Variants in MSH6 observed in about 807,000 individuals in gnomAD.
The protein encoded by MSH6 is DNA mismatch repair protein Msh6.
A neutral mutation model predicts 119.1 loss-of-function variants in MSH6; 85 were observed. That is an observed-to-expected ratio of 0.71 (90% CI 0.60 to 0.85). The LOEUF (loss-of-function observed/expected upper bound fraction) is 0.85, where lower values mean the gene tolerates loss of function less well. Ranked by LOEUF, MSH6 falls within the 40% of genes least tolerant of loss-of-function variation. MSH6 has a pLI of 0.00. For missense variants in MSH6, 2,163 were observed against 1,655.3 expected, an observed-to-expected ratio of 1.31 and a Z score of -5.32; for synonymous variants, 830 against 586.9, an observed-to-expected ratio of 1.41 and a Z score of -5.99.
At chr2:47,793,850 C>T (rs1321145151) in intron 2 of MSH6, among the ~76,000 whole-genome samples, 4 of 151,542 alleles carry the variant, frequency 2.6e-5, no homozygotes, top group Non-Finnish European at 5.9e-5. Flanking sequence ...CCTGCCTCTG[C>T]CTCCCAAGTA....
At position 47,783,282 on chromosome 2, in the gene MSH6, C is replaced by G. The variant is rs2103933185; in HGVS notation, c.49C>G (p.Leu17Val). 1 of 1,612,218 alleles carries G rather than the reference C, an allele frequency of 6.2e-7. No homozygotes were observed. Among genetic ancestry groups the G allele is most frequent in the Non-Finnish European group, 8.5e-7 (1 of 1,179,600 alleles). Residue 17 changes from leucine (L) to valine (V), a missense_variant, in exon 1 of 10, where the codon CTG (leucine) becomes GTG (valine). Leu to Val is a conservative substitution (Grantham distance 32, BLOSUM62 1). Transcript: ENST00000234420. ...LYSFFPKSPA[L>V]SDANKASARA... is the part of the protein sequence containing the mutation. ...CAGCTTCTTCCCCAAGTCTCCGGCG[C>G]TGAGTGATGCCAACAAGGCCTCGGC...
chr2:47,809,902 C>T, downstream of MSH6: 1 of 540,864 alleles, frequency 1.8e-6, no homozygotes, highest in Non-Finnish European at 3.3e-6. Flanking sequence ...GTCAAAACTG[C>T]AATTAACTTT....
chr2:47,786,514 T>C (rs1442051741), intron 1 of MSH6, among the ~76,000 whole-genome samples: 1 of 14,370 alleles, frequency 7.0e-5, no homozygotes, highest in Non-Finnish European at 1.2e-4. Context: ...TTTGTGTTTA[T>C]AGTAGAGACG....
rs1553411396 is a variant in MSH6, at chr2:47,795,911, G to A, written c.475G>A (p.Ala159Thr). ...KPYTGSKSKE[A>T]QKGGHFYSAK... ...CTTTCTAGGTTCAAAATCAAAGGAA[G>A]CCCAGAAGGGAGGTCATTTTTACAG... Residue 159 changes from alanine to threonine, a missense_variant, in exon 3 of 10, where the codon GCC (alanine) becomes ACC (threonine). Transcript: ENST00000234420. 5 of 1,614,074 alleles carry A rather than the reference G, an allele frequency of 3.1e-6. No individual in the cohort carries two copies. Among genetic ancestry groups the A allele is most frequent in the Non-Finnish European group, 4.2e-6 (5 of 1,179,948 alleles).
rs768535330 is a variant in MSH6, at chr2:47,800,281, T to G, written c.2298T>G (p.His766Gln). The change falls in exon 4 of 10, where the codon CAT becomes CAG. Residue 766 changes from histidine (H) to glutamine (Q), a missense_variant. Transcript: ENST00000234420. ...TACTAGAGAGGGTTGATACTTGCCATACTCCTTTTGGTAAGCGGCTCCTAA... is the reference window on the plus strand; with the variant it reads ...TACTAGAGAGGGTTGATACTTGCCAGACTCCTTTTGGTAAGCGGCTCCTAA... ...GTLLERVDTC[H>Q]TPFGKRLLKQ... The G allele has an allele frequency of 1.2e-6, 2 of 1,614,174 alleles. No individual in the cohort carries two copies. Among genetic ancestry groups the G allele is most frequent in the Non-Finnish European group, 1.7e-6 (2 of 1,180,032 alleles).
downstream of MSH6, chr2:47,809,105 A>C (rs145978463): frequency 3.4e-6 from 4 of 1,186,182 alleles, no homozygotes; most frequent in Non-Finnish European, 4.9e-6. Context: ...TTGCTAATTT[A>C]AAAAGGAAAT....
In MSH6 at chr2:47,806,056, G is replaced by A. The variant is rs143142196; in HGVS notation, c.3647-148G>A. 2,591 of 792,916 alleles carry A rather than the reference G, an allele frequency of 3.3e-3. 24 individuals carry two copies. The highest frequency in any genetic ancestry group is 0.024 in the Middle Eastern group (68 of 2,848). The allele number at this position is 792,916 out of a possible 1,614,324, so 49.1% of individuals were successfully genotyped here. ...TCCCCATGGGCTGCTAAGCAGACTC[G>A]TGTAGCTAAACAAGGCCTATTTATA... is the stretch of plus-strand genomic sequence containing the variant. On this transcript the variant is annotated intron_variant, in intron 7 of 9. Coordinates refer to ENST00000234420, the MANE Select transcript of MSH6 (RefSeq NM_000179.3).
chr2:47,803,070 A>G (rs1157978551), intron 4 of MSH6, among the ~76,000 whole-genome samples: 8 of 151,998 alleles, frequency 5.3e-5, no homozygotes, highest in Admixed American at 3.9e-4. Context: ...TGCCACGTGT[A>G]TTAGGCACTG....
chr2:47,806,866 C>T lies in MSH6; in HGVS notation c.*6C>T, dbSNP rs758445380. The T allele has an allele frequency of 1.4e-5, 23 of 1,601,234 alleles. No homozygotes were observed. The highest frequency in any genetic ancestry group is 1.9e-5 in the Non-Finnish European group (22 of 1,169,750). Reference sequence around the variant, plus strand: ...CTTTGATTAAGGAATTATAGACTGACTACATTGGAAGCTTTGAGTTGACTT... The same window carrying T: ...CTTTGATTAAGGAATTATAGACTGATTACATTGGAAGCTTTGAGTTGACTT... On this transcript the variant is annotated 3_prime_UTR_variant, in exon 10 of 10. Transcript: ENST00000234420.
chr2:47,789,092 A>C (rs1050189408), intron 1 of MSH6, among the ~76,000 whole-genome samples: 1 of 145,012 alleles, frequency 6.9e-6, no homozygotes. Flanking sequence ...CACTTGGCTA[A>C]TTTTTGTATT....
chr2:47,783,598 C>CCCCG, intron 1 of MSH6, 105 bp downstream of exon 1: 1 of 1,201,550 alleles, frequency 8.3e-7, no homozygotes, highest in Non-Finnish European at 1.1e-6. Flanking sequence ...CACGGCCTGG[C>CCCCG]CCTGGGCTCG....
rs1669246932 is a variant in MSH6 at position 47,798,690 on chromosome 2, A to G, written c.707A>G (p.Gln236Arg). ...GAAGAGGAAGTACAGCCTAAGACAC[A>G]AGGATCTAGGCGAAGTAGCCGCCAA... ...ESEEEVQPKTQGSRRSSRQIK... is the reference protein window; with the variant it reads ...ESEEEVQPKTRGSRRSSRQIK... The change falls in exon 4 of 10, where the codon CAA becomes CGA. Residue 236 changes from glutamine to arginine, a missense_variant. Gln to Arg is a conservative substitution (Grantham distance 43). Transcript: ENST00000234420. 1.2e-6 allele frequency: 2 copies of G among 1,614,072 alleles called. No individual in the cohort carries two copies. The highest frequency in any genetic ancestry group is 2.2e-5 in the East Asian group (1 of 44,894).
At chr2:47,790,867 C>G in intron 1 of MSH6, 60 bp from the exon 2 acceptor site, 1 of 1,476,666 alleles carries the variant, frequency 6.8e-7, no homozygotes, top group Non-Finnish European at 9.5e-7. Flanking sequence ...TTGTAGGTAA[C>G]TGCCTTTAAG....
chr2:47,794,391 T>G (rs1008054890), intron 2 of MSH6, among the ~76,000 whole-genome samples: 4 of 151,322 alleles, frequency 2.6e-5, no homozygotes, highest in Non-Finnish European at 5.9e-5. Flanking sequence ...CCTGCCTCAG[T>G]CTCCTTAGTA....
At chr2:47,804,811 T>G (rs1669854906) in intron 5 of MSH6, 99 bp from the exon 6 acceptor site, 1 of 888,156 alleles carries the variant, frequency 1.1e-6, no homozygotes, top group Admixed American at 1.7e-5. Context: ...AAAGTTGTTT[T>G]AGAGTGCCTA....
At chr2:47,785,578 TA>T (rs1417254846) in intron 1 of MSH6, among the ~76,000 whole-genome samples, 1 of 152,236 alleles carries the variant, frequency 6.6e-6, no homozygotes, top group Non-Finnish European at 1.5e-5. Context: ...TAAAGTGTCC[TA>T]AAGGAATTCT....
rs2020911 is a variant in MSH6, at chr2:47,803,699, A to C, written c.3438+14A>C. The C allele has an allele frequency of 1.2e-6, 2 of 1,613,608 alleles. No homozygotes were observed. The highest frequency in any genetic ancestry group is 1.7e-6 in the Non-Finnish European group (2 of 1,179,808). ...CTTATGAGACAGGTAACTGATTCTT[A>C]AAGTTTTGTTATCAGAAAGTCATTT... On this transcript the variant is annotated intron_variant, in intron 5 of 9. Coordinates refer to ENST00000234420, the MANE Select transcript of MSH6 (RefSeq NM_000179.3).
chr2:47,805,588 G>C (rs777186501), intron 6 of MSH6, 30 bp from the exon 7 acceptor site: 3 of 1,401,032 alleles, frequency 2.1e-6, no homozygotes, highest in Non-Finnish European at 3.0e-6. Context: ...TGCAAAATGA[G>C]TATTCATTTG....
rs923165627 is a variant in MSH6 at position 47,800,341 on chromosome 2, T to C, written c.2358T>C (p.Tyr786=). 1 of 1,614,042 alleles carries C rather than the reference T, an allele frequency of 6.2e-7. No individual in the cohort carries two copies. Among genetic ancestry groups the C allele is most frequent in the African/African-American group, 1.3e-5 (1 of 74,932 alleles). The change falls in exon 4 of 10, where the codon TAT becomes TAC. Residue 786 remains tyrosine (Y), a synonymous_variant. Transcript: ENST00000234420. ...TTTGTGCCCCACTCTGTAACCATTA[T>C]GCTATTAATGATCGTCTAGATGCCA... ...QWLCAPLCNH[Y]AINDRLDAIE...
Sources: allele counts gnomAD v4.1 joint callset (sites outside exome capture counted in the v4.1 genomes callset), GRCh38; gene constraint gnomAD v4.1.1; transcripts MANE v1.5; gene names NCBI Gene and HGNC (gene_info 2026-07-23, HGNC 2026-07-21).